CYP2J2: variants seen among roughly 807,000 people sequenced by gnomAD.
The protein encoded by CYP2J2 is cytochrome P450 2J2.
In CYP2J2, 41 loss-of-function variants were observed where a neutral mutation model predicts 48.8. The ratio of observed to expected loss-of-function variants is 0.84; its 90% CI spans 0.66 to 1.09. The LOEUF (loss-of-function observed/expected upper bound fraction) is 1.09. CYP2J2 is among the 50% of genes least tolerant of loss of function. The pLI is 0.00. For missense variants in CYP2J2, 644 were observed against 617.3 expected (o/e 1.04, Z -0.46); for synonymous variants, 221 against 227.1 (o/e 0.97, Z 0.24).
chr1:59,912,206 T>C lies in CYP2J2; in HGVS notation c.479A>G (p.Gln160Arg). ...TTCAGTGAGGTGTTGGGCCTCCTCC[T>C]GAATGCGTTCCTCTAAGCTCTTCTT... ...LGKKSLEERI[Q>R]EEAQHLTEAI... Residue 160 changes from glutamine to arginine, a missense_variant, in exon 3 of 9, where the codon CAG becomes CGG. Physicochemically the swap from Gln to Arg is conservative, Grantham distance 43 (BLOSUM62 1). Coordinates refer to ENST00000371204, the MANE Select transcript of CYP2J2 (RefSeq NM_000775.4). The C allele has an allele frequency of 6.2e-7, 1 of 1,613,924 alleles. No individual in the cohort carries two copies. Among genetic ancestry groups the C allele is most frequent in the Non-Finnish European group, 8.5e-7 (1 of 1,179,868 alleles).
chr1:59,917,010 T>G (rs7515289), intron 1 of CYP2J2, among the ~76,000 whole-genome samples: 48,698 of 151,906 alleles, frequency 0.32, 8,715 homozygotes, highest in African/African-American at 0.49. Context: ...TTAGGGCAGG[T>G]GCCAGGCATG....
chr1:59,907,687 T>G, intron 6 of CYP2J2, 99 bp downstream of exon 6: 1 of 1,343,152 alleles, frequency 7.4e-7, no homozygotes, highest in Non-Finnish European at 1.0e-6. Flanking sequence ...CTGCCTCTCT[T>G]TTCATCCTAC....
chr1:59,943,534 C>T, the CYP2J2 span, among the ~76,000 whole-genome samples: 1 of 152,114 alleles, frequency 6.6e-6, no homozygotes, highest in South Asian at 2.1e-4. Context: ...TAAACAAGTC[C>T]AGGAAAGTAT....
chr1:59,933,851 T>C, the CYP2J2 span, among the ~76,000 whole-genome samples: 2 of 152,194 alleles, frequency 1.3e-5, no homozygotes, highest in African/African-American at 2.4e-5. Context: ...CAAAATCCTC[T>C]TGACTTTTCC....
chr1:59,893,728 T>G lies in CYP2J2; in HGVS notation c.1432A>C (p.Lys478Gln). 1 of 1,613,298 alleles carries G rather than the reference T, an allele frequency of 6.2e-7. No individual in the cohort carries two copies. Among genetic ancestry groups the G allele is most frequent in the Non-Finnish European group, 8.5e-7 (1 of 1,179,644 alleles). The change falls in exon 9 of 9, where the codon AAG (lysine) becomes CAG (glutamine). Residue 478 changes from lysine (K) to glutamine (Q), a missense_variant. Physicochemically the swap from Lys to Gln is moderately conservative, Grantham distance 53. Coordinates refer to ENST00000371204, the MANE Select transcript of CYP2J2 (RefSeq NM_000775.4). ...CCCATTCTAAACTTCAGGCTCAGCT[T>G]CTCATTGTTTGGGGGCCTGAAGGTA... ...KFTFRPPNNE[K>Q]LSLKFRMGIT... is the part of the protein sequence containing the mutation.
At chr1:59,908,115 A>G (rs1644380806) in intron 5 of CYP2J2, among the ~76,000 whole-genome samples, 188 bp from the exon 6 acceptor site, 1 of 152,166 alleles carries the variant, frequency 6.6e-6, no homozygotes, top group African/African-American at 2.4e-5. Context: ...GTCCTGCCCC[A>G]AGTGCTGGAC....
At chr1:59,959,915 G>A in the CYP2J2 span, among the ~76,000 whole-genome samples, 26 of 152,104 alleles carry the variant, frequency 1.7e-4, no homozygotes, top group Admixed American at 1.4e-3. Context: ...GGAGTGGGGC[G>A]AGGGATAAAA....
the CYP2J2 span, among the ~76,000 whole-genome samples, chr1:59,967,152 T>G: frequency 6.6e-6 from 1 of 152,166 alleles, no homozygotes; most frequent in African/African-American, 2.4e-5. Flanking sequence ...TACACGAGTT[T>G]TAAGAATGAG....
chr1:59,954,597 A>T, the CYP2J2 span, among the ~76,000 whole-genome samples: 1 of 142,996 alleles, frequency 7.0e-6, no homozygotes, highest in Non-Finnish European at 1.5e-5. Flanking sequence ...TCGGGGGGGG[A>T]TGCAAACCAA....
chr1:59,904,139 G>A (rs555585035), intron 7 of CYP2J2, among the ~76,000 whole-genome samples: 1 of 152,072 alleles, frequency 6.6e-6, no homozygotes, highest in Non-Finnish European at 1.5e-5. Flanking sequence ...TTGGGAGGCC[G>A]AGGTGGGTGG....
At chr1:59,907,325 G>A (rs545346969) in intron 6 of CYP2J2, among the ~76,000 whole-genome samples, 1 of 152,258 alleles carries the variant, frequency 6.6e-6, no homozygotes, top group East Asian at 1.9e-4. Context: ...AGAAAGTGAC[G>A]TGTCACTTAG....
intron 8 of CYP2J2, among the ~76,000 whole-genome samples, chr1:59,896,575 G>A (rs1317987378): frequency 1.3e-5 from 2 of 151,880 alleles, no homozygotes; most frequent in East Asian, 3.9e-4. Flanking sequence ...GCCACCCTGT[G>A]CAGACTCCAC....
At chr1:59,942,492 C>T in the CYP2J2 span, among the ~76,000 whole-genome samples, 1 of 152,082 alleles carries the variant, frequency 6.6e-6, no homozygotes, top group African/African-American at 2.4e-5. Flanking sequence ...GGAGGATAGA[C>T]ATCAGGTAGG....
Position 59,916,073 on chromosome 1 carries a change from T to A in CYP2J2, c.238A>T (p.Ser80Cys), listed in dbSNP as rs753240136. 9.3e-6 allele frequency: 15 copies of A among 1,610,994 alleles called. No individual in the cohort carries two copies. In the South Asian group the frequency reaches 1.7e-4, roughly 18 times the overall value. The change falls in exon 2 of 9, where the codon AGC becomes TGC. Residue 80 changes from serine to cysteine, a missense_variant. By Grantham distance (112) the Ser-to-Cys change is moderately radical. Transcript: ENST00000371204. ...LFVKKYGNLF[S>C]LELGDISAVL... Reference sequence around the variant, plus strand: ...GCAGATATGTCACCAAGCTCCAAGCTAAAAAGGTTCCCATATTTCTTCACA... The same window carrying A: ...GCAGATATGTCACCAAGCTCCAAGCAAAAAAGGTTCCCATATTTCTTCACA...
At chr1:59,926,075 TAGTGAG>T (rs1644561107) in intron 1 of CYP2J2, among the ~76,000 whole-genome samples, 1 of 152,070 alleles carries the variant, frequency 6.6e-6, no homozygotes, top group Admixed American at 6.5e-5. Context: ...AATTATTACT[TAGTGAG>T]AGTGCACTGC....
At chr1:59,914,707 C>T (rs1266329780) in intron 2 of CYP2J2, among the ~76,000 whole-genome samples, 1 of 152,196 alleles carries the variant, frequency 6.6e-6, no homozygotes, top group African/African-American at 2.4e-5. Flanking sequence ...GGGTATTGTC[C>T]AAGGTTTCTC....
intron 8 of CYP2J2, among the ~76,000 whole-genome samples, chr1:59,898,625 G>A (rs1340786707): frequency 6.6e-6 from 1 of 152,144 alleles, no homozygotes; most frequent in Non-Finnish European, 1.5e-5. Flanking sequence ...CTTTAAATGG[G>A]GAAGTAAGCT....
rs1253637749 is a variant in CYP2J2, at chr1:59,907,938, C to A, written c.862-11G>T. ...AGGATTGCCTGTGTGCTAGAAAACA[C>A]AATGTTTGATGTTATTTATTGGTTT... On this transcript the variant is annotated splice_polypyrimidine_tract_variant and intron_variant, in intron 5 of 8. Coordinates refer to ENST00000371204, the MANE Select transcript of CYP2J2 (RefSeq NM_000775.4). 1 of 1,613,646 alleles carries A rather than the reference C, an allele frequency of 6.2e-7. No individual in the cohort carries two copies. Among genetic ancestry groups the A allele is most frequent in the South Asian group, 1.1e-5 (1 of 91,060 alleles).
chr1:59,922,455 C>G (rs1644525212), intron 1 of CYP2J2, among the ~76,000 whole-genome samples: 2 of 152,042 alleles, frequency 1.3e-5, no homozygotes, highest in Admixed American at 6.5e-5. Flanking sequence ...TAATTTAACT[C>G]CATTTGTTTT....
Sources: gnomAD v4.1 joint callset for allele counts (sites outside exome capture counted in the v4.1 genomes callset) on GRCh38, gnomAD v4.1.1 for gene constraint, MANE v1.5 for transcripts, NCBI Gene and HGNC (gene_info 2026-07-23, HGNC 2026-07-21) for gene names.